The following CCDC85C variants were observed in gnomAD, a reference collection of about 807,000 sequenced individuals.
CCDC85C encodes coiled-coil domain-containing protein 85C.
CCDC85C carries 18 observed loss-of-function variants against 38.3 expected under a neutral mutation model. The observed-to-expected ratio is 0.47, with a 90% CI of 0.33 to 0.70. The LOEUF is 0.70. Among genes scored for constraint, CCDC85C ranks in the 30% least tolerant of loss-of-function variants. The pLI is 0.03. For synonymous variants in CCDC85C, 264 were observed against 293.8 expected (o/e 0.90, Z 1.04); for missense variants, 566 against 621.2 (o/e 0.91, Z 0.94).
rs1158362390 is a variant in CCDC85C, at chr14:99,505,905, C to T, written c.*9341G>A. 1.3e-5 allele frequency: 2 copies of T among 152,228 alleles called. No homozygotes were observed. Among genetic ancestry groups the T allele is most frequent in the African/African-American group, 2.4e-5 (1 of 41,440 alleles). The allele number at this position is 152,228 out of a possible 1,614,324, so 9.4% of individuals were successfully genotyped here. A position where few individuals can be genotyped will look rare whatever the true frequency, so the allele number is the denominator to read the frequency against. ...AGTTTAAAATTGTAGATATGTGGCT[C>T]TCAGTTATATTGCTGTTGGACAGCC... On this transcript the variant is annotated 3_prime_UTR_variant, in exon 6 of 6. Transcript: ENST00000380243.
rs1412752511 is a variant in CCDC85C at position 99,588,702 on chromosome 14, G to A, written c.793+14465C>T. On this transcript the variant is annotated intron_variant, in intron 1 of 5. Transcript: ENST00000380243. This position sits in a 1 kb window ranked among gnomAD's most constrained non-coding sequence, Gnocchi z 5.0. ...CCCCACCCGTATAAGCACTTGGAAG[G>A]TGGTCCTGAAGTAAGAAACCAGGCC... 6.6e-6 allele frequency among the ~76,000 whole-genome samples: 1 copy of A among 151,940 alleles called. No homozygotes were observed. Among genetic ancestry groups the A allele is most frequent in the Non-Finnish European group, 1.5e-5 (1 of 68,004 alleles).
Position 99,503,112 on chromosome 14 carries a change from G to T in CCDC85C, c.*12134C>A. ...CAGGGGGTGTTCGCCGAAACTCGCAGTCCGACTGCTTGTCGGTGGGGAGCC... is the reference window on the plus strand; with the variant it reads ...CAGGGGGTGTTCGCCGAAACTCGCATTCCGACTGCTTGTCGGTGGGGAGCC... On this transcript the variant is annotated 3_prime_UTR_variant, in exon 6 of 6. Coordinates refer to ENST00000380243, the MANE Select transcript of CCDC85C (RefSeq NM_001144995.2). The T allele has an allele frequency of 5.6e-6, 6 of 1,075,612 alleles. No homozygotes were observed. The highest frequency in any genetic ancestry group is 8.6e-6 in the Non-Finnish European group (6 of 699,818). The allele number at this position is 1,075,612 out of a possible 1,614,324, so 66.6% of individuals were successfully genotyped here. A position where few individuals can be genotyped will look rare whatever the true frequency, so the allele number is the denominator to read the frequency against.
chr14:99,500,419 G>A lies in CCDC85C; in HGVS notation c.*14827C>T. 1 of 198,710 alleles carries A rather than the reference G, an allele frequency of 5.0e-6. No homozygotes were observed. The highest frequency in any genetic ancestry group is 5.5e-5 in the Admixed American group (1 of 18,190). The allele number at this position is 198,710 out of a possible 1,614,324, so 12.3% of individuals were successfully genotyped here. A position where few individuals can be genotyped will look rare whatever the true frequency, so the allele number is the denominator to read the frequency against. On this transcript the variant is annotated 3_prime_UTR_variant, in exon 6 of 6. Coordinates refer to ENST00000380243, the MANE Select transcript of CCDC85C (RefSeq NM_001144995.2). ...AAAAGATTGCATTTTTAAAATTTGA[G>A]GTCTTGAAAGAAATTACAATTTAGT...
intron 1 of CCDC85C, among the ~76,000 whole-genome samples, chr14:99,571,542 G>A (rs1205784236): frequency 6.6e-6 from 1 of 152,206 alleles, no homozygotes; most frequent in Non-Finnish European, 1.5e-5. Context: ...TGACGGGGAG[G>A]TTCAGCCACG....
chr14:99,502,102 G>T lies in CCDC85C; in HGVS notation c.*13144C>A. ...ATTTATAGTACTTTAATTAAATTTA[G>T]GGGAGAATAAGCAAATTAATGGTTA... On this transcript the variant is annotated 3_prime_UTR_variant, in exon 6 of 6. Coordinates refer to ENST00000380243, the MANE Select transcript of CCDC85C (RefSeq NM_001144995.2). 7 of 1,223,520 alleles carry T rather than the reference G, an allele frequency of 5.7e-6. No homozygotes were observed. The highest frequency in any genetic ancestry group is 7.7e-6 in the Non-Finnish European group (7 of 910,854). 75.8% of individuals were successfully genotyped at this position (1,223,520 alleles called of 1,614,324 possible).
intron 1 of CCDC85C, among the ~76,000 whole-genome samples, chr14:99,543,129 G>A (rs1897745075): frequency 6.6e-6 from 1 of 152,214 alleles, no homozygotes. Flanking sequence ...ATCATAGGGG[G>A]AGAGAAAGCA....
rs1341157525 is a variant in CCDC85C, at chr14:99,603,906, C to A, written c.54G>T (p.Val18=). The A allele has an allele frequency of 6.7e-7, 1 of 1,481,830 alleles. No individual in the cohort carries two copies. Among genetic ancestry groups the A allele is most frequent in the Non-Finnish European group, 8.9e-7 (1 of 1,120,808 alleles). The allele number at this position is 1,481,830 out of a possible 1,614,324, so 91.8% of individuals were successfully genotyped here. ...AAAASEELSQ[V]PDEELLRWSK... ...TCCAGCGCAGCAGCTCCTCGTCCGG[C>A]ACCTGGCTCAGCTCCTCCGACGCCG... The change falls in exon 1 of 6, where the codon GTG becomes GTT. Residue 18 remains valine (V), a synonymous_variant. Coordinates refer to ENST00000380243, the MANE Select transcript of CCDC85C (RefSeq NM_001144995.2). This position sits in a 1 kb window ranked among gnomAD's most constrained non-coding sequence, Gnocchi z 7.5.
rs564561868 is a variant in CCDC85C at position 99,548,781 on chromosome 14, G to C, written c.794-12693C>G. ...GTCCAGCCCGGGCAATCTAAAAAAA[G>C]ACCACCTCTAAAAACTAAAAGCAAA... On this transcript the variant is annotated intron_variant, in intron 1 of 5. Coordinates refer to ENST00000380243, the MANE Select transcript of CCDC85C (RefSeq NM_001144995.2). This position sits in a 1 kb window ranked among gnomAD's most constrained non-coding sequence, Gnocchi z 4.9. Among the ~76,000 whole-genome samples the C allele has an allele frequency of 5.2e-4, 79 of 152,152 alleles. 1 individual carries two copies. Among genetic ancestry groups the C allele is most frequent in the African/African-American group, 1.9e-3 (77 of 41,504 alleles).
Position 99,512,407 on chromosome 14 carries a change from C to A in CCDC85C, c.*2839G>T, listed in dbSNP as rs1019126987. The A allele has an allele frequency of 6.6e-6, 1 of 150,440 alleles. No homozygotes were observed. Among genetic ancestry groups the A allele is most frequent in the Non-Finnish European group, 1.5e-5 (1 of 67,896 alleles). The allele number at this position is 150,440 out of a possible 1,614,324, so 9.3% of individuals were successfully genotyped here. A position where few individuals can be genotyped will look rare whatever the true frequency, so the allele number is the denominator to read the frequency against. ...AAAAATATACACCTCTACCGCTCTGCAGTCATGCATTTAGTTTTAAGAAAA... is the reference window on the plus strand; with the variant it reads ...AAAAATATACACCTCTACCGCTCTGAAGTCATGCATTTAGTTTTAAGAAAA... On this transcript the variant is annotated 3_prime_UTR_variant, in exon 6 of 6. Transcript: ENST00000380243.
intron 2 of CCDC85C, chr14:99,534,746 A>C: frequency 1.4e-6 from 1 of 702,212 alleles, no homozygotes; most frequent in Non-Finnish European, 2.6e-6. Flanking sequence ...CCCACTCCAC[A>C]GACAGGTGAG....
At chr14:99,559,434 G>C (rs1395691044) in intron 1 of CCDC85C, among the ~76,000 whole-genome samples, 1 of 152,136 alleles carries the variant, frequency 6.6e-6, no homozygotes, top group African/African-American at 2.4e-5. Context: ...AGATTTTTAA[G>C]GGTAAACATG....
At chr14:99,561,987 G>A (rs181789153) in intron 1 of CCDC85C, among the ~76,000 whole-genome samples, 3 of 152,246 alleles carry the variant, frequency 2.0e-5, no homozygotes, top group East Asian at 3.9e-4. Flanking sequence ...CTCCCCACGC[G>A]AGGACCTCAG....
rs971121201 is a variant in CCDC85C at position 99,576,060 on chromosome 14, G to A, written c.793+27107C>T. Among the ~76,000 whole-genome samples, 1 of 152,176 alleles carries A rather than the reference G, an allele frequency of 6.6e-6. No individual in the cohort carries two copies. Among genetic ancestry groups the A allele is most frequent in the Non-Finnish European group, 1.5e-5 (1 of 68,026 alleles). On this transcript the variant is annotated intron_variant, in intron 1 of 5. Transcript: ENST00000380243. This position sits in a 1 kb window ranked among gnomAD's most constrained non-coding sequence, Gnocchi z 4.8. Reference sequence around the variant, plus strand: ...CCACCCCACTCCTCCAAACCTCACCGATCTGTGCCCGTCTAATGAGGGTGG... The same window carrying A: ...CCACCCCACTCCTCCAAACCTCACCAATCTGTGCCCGTCTAATGAGGGTGG...
chr14:99,573,746 G>A (rs776807228), intron 1 of CCDC85C, among the ~76,000 whole-genome samples: 3 of 152,218 alleles, frequency 2.0e-5, no homozygotes, highest in Non-Finnish European at 2.9e-5. Context: ...ACAGGGCAGA[G>A]GTGCTGCCTT....
At chr14:99,537,201 G>A (rs1020482009) in intron 1 of CCDC85C, among the ~76,000 whole-genome samples, 3 of 152,140 alleles carry the variant, frequency 2.0e-5, no homozygotes, top group Admixed American at 6.5e-5. Context: ...CGGCCCACCC[G>A]ACAACAGGAC....
chr14:99,536,235 G>A, intron 1 of CCDC85C, 147 bp from the exon 2 acceptor site: 1 of 660,154 alleles, frequency 1.5e-6, no homozygotes, highest in African/African-American at 1.8e-5. Context: ...GCCCCTCCGA[G>A]CCCTCGCCCG....
chr14:99,556,448 G>A (rs969823294), intron 1 of CCDC85C, among the ~76,000 whole-genome samples: 4 of 152,046 alleles, frequency 2.6e-5, no homozygotes, highest in African/African-American at 9.7e-5. Flanking sequence ...CATCATATTG[G>A]GACAAGTATT....
At chr14:99,563,288 G>C (rs192611518) in intron 1 of CCDC85C, among the ~76,000 whole-genome samples, 1 of 152,236 alleles carries the variant, frequency 6.6e-6, no homozygotes, top group Non-Finnish European at 1.5e-5. Flanking sequence ...CTGCCCTGCC[G>C]CGTTCCATCC....
At chr14:99,540,812 G>A (rs1187746906) in intron 1 of CCDC85C, among the ~76,000 whole-genome samples, 1 of 152,206 alleles carries the variant, frequency 6.6e-6, no homozygotes, top group African/African-American at 2.4e-5. Context: ...TGAGGAGGGG[G>A]TGGGGGAAAG....
Sources: gnomAD v4.1 joint callset for allele counts (sites outside exome capture counted in the v4.1 genomes callset) on GRCh38, gnomAD v4.1.1 for gene constraint, Gnocchi (gnomAD v3.1) non-coding constraint, MANE v1.5 for transcripts, NCBI Gene and HGNC (gene_info 2026-07-23, HGNC 2026-07-21) for gene names.